The following TMED5 variants were observed in gnomAD, a reference collection of about 807,000 sequenced individuals.
The protein encoded by TMED5 is transmembrane p24 trafficking protein 5.
Under a neutral mutation model 23.0 loss-of-function variants are expected in TMED5, and 27 were observed. The ratio of observed to expected loss-of-function variants is 1.17; its 90% CI spans 0.86 to 1.62. The LOEUF is 1.62. Ranked by LOEUF, TMED5 falls within the 40% of genes most tolerant of loss-of-function variation. TMED5 has a pLI of 0.00. For synonymous variants in TMED5, 97 were observed against 100.8 expected, an observed-to-expected ratio of 0.96 and a Z score of 0.23; for missense variants, 248 against 273.7, an observed-to-expected ratio of 0.91 and a Z score of 0.66.
chr1:93,175,821 C>A (rs1648893230), intron 1 of TMED5, among the ~76,000 whole-genome samples: 1 of 152,060 alleles, frequency 6.6e-6, no homozygotes, highest in Non-Finnish European at 1.5e-5. Flanking sequence ...CTTTTTAGTG[C>A]CTATTATGCC....
Position 93,160,418 on chromosome 1 carries a change from T to C in TMED5, c.190-192A>G, listed in dbSNP as rs1648225976. On this transcript the variant is annotated intron_variant, in intron 1 of 3. Transcript: ENST00000370282. ...TTCATTTTTGGAACTTGTCCCTTCC[T>C]TACCCATTTCTCTCACCATCACCTA... The C allele has an allele frequency of 1.4e-5, 6 of 441,374 alleles. No homozygotes were observed. In the East Asian group the frequency reaches 2.0e-4, roughly 15 times the overall value. The allele number at this position is 441,374 out of a possible 1,614,324, so 27.3% of individuals were successfully genotyped here.
intron 1 of TMED5, chr1:93,162,313 T>A (rs1255803184): frequency 1.3e-5 from 2 of 152,166 alleles, no homozygotes; most frequent in African/African-American, 4.8e-5. Context: ...TTAAAATCTA[T>A]AGGCTGGGTG....
intron 3 of TMED5, 162 bp downstream of exon 3, chr1:93,156,138 A>T: frequency 1.7e-6 from 2 of 1,152,958 alleles, no homozygotes; most frequent in Non-Finnish European, 1.2e-6. Context: ...TATAAAATAA[A>T]ATTAAGCTGA....
intron 1 of TMED5, among the ~76,000 whole-genome samples, chr1:93,165,483 T>G (rs926128133): frequency 6.6e-6 from 1 of 152,256 alleles, no homozygotes; most frequent in Non-Finnish European, 1.5e-5. Flanking sequence ...TCAGTTATAA[T>G]GTACCTGTAC....
intron 1 of TMED5, among the ~76,000 whole-genome samples, chr1:93,179,395 G>A (rs537015602): frequency 1.3e-5 from 2 of 149,348 alleles, no homozygotes; most frequent in African/African-American, 4.9e-5. Context: ...ACAATGACAC[G>A]AGGGAAATGC....
Position 93,180,056 on chromosome 1 carries a change from G to A in TMED5, c.187C>T (p.Gln63Ter), listed in dbSNP as rs771127160. 3.1e-6 allele frequency: 5 copies of A among 1,612,178 alleles called. No individual in the cohort carries two copies. The East Asian group carries it at 1.1e-4, about 36-fold the overall frequency. ...GCTGGTTTATCCTCCGCACTTACTT[G>A]GTACTCGATCTCCAGCGAGGCCTTC... ...PLKASLEIEY[Q>*]VLDGAGLDID... The change falls in exon 1 of 4, where the codon CAA (glutamine) becomes TAA (stop). Residue 63 changes from glutamine (Q) to a stop codon, truncating the protein, a stop_gained and splice_region_variant. Transcript: ENST00000370282. LOFTEE classifies it high-confidence loss of function.
At chr1:93,162,753 C>G (rs747362635) in intron 1 of TMED5, 8 of 152,132 alleles carry the variant, frequency 5.3e-5, no homozygotes, top group Non-Finnish European at 1.2e-4. Context: ...GTACAATCTT[C>G]TATCAAAGAG....
In TMED5 at chr1:93,153,824, G is replaced by T. The variant is rs1647964622; in HGVS notation, c.*846C>A. The stretch of plus-strand genomic sequence containing the variant: ...TAACATAACATGATTATTAACTGTT[G>T]ACAGATATTAACTTGACAGATACTA... On this transcript the variant is annotated 3_prime_UTR_variant, in exon 4 of 4. Transcript: ENST00000370282. 1 of 152,008 alleles carries T rather than the reference G, an allele frequency of 6.6e-6. No individual in the cohort carries two copies. The highest frequency in any genetic ancestry group is 1.5e-5 in the Non-Finnish European group (1 of 67,972). The allele number at this position is 152,008 out of a possible 1,614,324, so 9.4% of individuals were successfully genotyped here.
intron 1 of TMED5, among the ~76,000 whole-genome samples, chr1:93,176,390 C>A (rs373974060): frequency 2.0e-5 from 3 of 152,138 alleles, no homozygotes; most frequent in African/African-American, 7.2e-5. Flanking sequence ...TGAAGTCCTC[C>A]TACTGAGCCC....
rs1290851115 is a variant in TMED5, at chr1:93,151,171, A to C, written c.*3499T>G. ...CTTTCCCCAGACGTACATTAGGTGT[A>C]TGGCTCCAGGTTATGACAACAGCCT... On this transcript the variant is annotated 3_prime_UTR_variant, in exon 4 of 4. Transcript: ENST00000370282. 6.6e-6 allele frequency: 1 copy of C among 152,166 alleles called. No homozygotes were observed. Among genetic ancestry groups the C allele is most frequent in the Non-Finnish European group, 1.5e-5 (1 of 68,038 alleles). 9.4% of individuals were successfully genotyped at this position (152,166 alleles called of 1,614,324 possible).
intron 1 of TMED5, among the ~76,000 whole-genome samples, chr1:93,170,281 T>A (rs1364571236): frequency 1.3e-5 from 2 of 151,946 alleles, no homozygotes; most frequent in Admixed American, 1.3e-4. Flanking sequence ...GAGGCGCGGG[T>A]GGGAACTGGG....
intron 1 of TMED5, among the ~76,000 whole-genome samples, chr1:93,171,964 C>A (rs1648746596): frequency 6.6e-6 from 1 of 152,086 alleles, no homozygotes; most frequent in African/African-American, 2.4e-5. Flanking sequence ...CTCAGATGAT[C>A]ACAGCAATGG....
At position 93,179,367 on chromosome 1, in the gene TMED5, CAA is replaced by C. The variant is rs11332484; in HGVS notation, c.189+685_189+686del. 3.7e-3 allele frequency among the ~76,000 whole-genome samples: 359 copies of C among 96,128 alleles called. 2 individuals carry two copies. The highest frequency in any genetic ancestry group is 5.0e-3 in the Middle Eastern group (1 of 200). The allele number at this position is 96,128 out of a possible 152,430, so 63.1% of individuals were successfully genotyped here. ...TGAGCAACAAAGCGAGACTCCGTCT[CAA>C]AAAAAAAAAAAAAAAACAATGACAC... is the stretch of plus-strand genomic sequence containing the variant. On this transcript the variant is annotated intron_variant, in intron 1 of 3. Transcript: ENST00000370282.
chr1:93,158,228 C>A (rs1308768895), intron 2 of TMED5, among the ~76,000 whole-genome samples: 1 of 152,012 alleles, frequency 6.6e-6, no homozygotes, highest in African/African-American at 2.4e-5. Context: ...AGCTGTGTAA[C>A]CTTCAGCAAC....
At chr1:93,172,934 A>G (rs568435200) in intron 1 of TMED5, among the ~76,000 whole-genome samples, 2 of 152,362 alleles carry the variant, frequency 1.3e-5, no homozygotes, top group Non-Finnish European at 2.9e-5. Context: ...TAAGTGAAAT[A>G]AGCCAGGGAC....
chr1:93,160,355 G>A (rs1427858445), intron 1 of TMED5, 129 bp from the exon 2 acceptor site: 3 of 538,550 alleles, frequency 5.6e-6, no homozygotes, highest in African/African-American at 1.9e-5. Context: ...TGATGTCTGA[G>A]CTAGAAAAGA....
intron 1 of TMED5, among the ~76,000 whole-genome samples, chr1:93,169,404 G>C (rs923975770): frequency 1.3e-5 from 2 of 152,194 alleles, no homozygotes; most frequent in South Asian, 2.1e-4. Flanking sequence ...GTGGGATACA[G>C]AGAAATCAGT....
intron 1 of TMED5, 174 bp downstream of exon 1, chr1:93,179,878 GCC>G: frequency 1.7e-6 from 1 of 595,494 alleles, no homozygotes; most frequent in Non-Finnish European, 2.8e-6. Flanking sequence ...TGGGTCCCCG[GCC>G]CCAGCGAGAG....
intron 1 of TMED5, among the ~76,000 whole-genome samples, chr1:93,166,320 A>C (rs1446008269): frequency 6.6e-6 from 1 of 152,156 alleles, no homozygotes; most frequent in Non-Finnish European, 1.5e-5. Flanking sequence ...CTGTATTTTT[A>C]GTTTTTTGAG....
Sources: gnomAD v4.1 joint callset for allele counts (sites outside exome capture counted in the v4.1 genomes callset) on GRCh38, gnomAD v4.1.1 for gene constraint, MANE v1.5 for transcripts, NCBI Gene and HGNC (gene_info 2026-07-23, HGNC 2026-07-21) for gene names.